Variants in SEMA6D observed in about 807,000 individuals in gnomAD.
SEMA6D encodes semaphorin-6D.
In SEMA6D, 35 loss-of-function variants were observed where a neutral mutation model predicts 106.6. The ratio of observed to expected loss-of-function variants is 0.33; its 90% CI spans 0.25 to 0.44. The LOEUF is 0.44. Ranked by LOEUF, SEMA6D falls within the 20% of genes least tolerant of loss-of-function variation. The pLI, the probability that SEMA6D is intolerant of heterozygous loss-of-function variation, is 1.00. For synonymous variants in SEMA6D, 499 were observed against 487.7 expected (o/e 1.02, Z -0.31); for missense variants, 1,185 against 1,345.9 (o/e 0.88, Z 1.87).
At chr15:47,523,142 A>G (rs1343452287) in intron 3 of SEMA6D, among the ~76,000 whole-genome samples, 2 of 152,204 alleles carry the variant, frequency 1.3e-5, no homozygotes, top group African/African-American at 4.8e-5. Context: ...ACTGAAAGCC[A>G]GAGAGCAAAG....
intron 4 of SEMA6D, among the ~76,000 whole-genome samples, chr15:47,612,557 A>C (rs1348831839): frequency 6.6e-6 from 1 of 151,974 alleles, no homozygotes; most frequent in Non-Finnish European, 1.5e-5. Flanking sequence ...TCTTTTCTCT[A>C]ATTTCCTGGA....
At chr15:47,542,953 C>T (rs1356142660) in intron 3 of SEMA6D, among the ~76,000 whole-genome samples, 1 of 152,124 alleles carries the variant, frequency 6.6e-6, no homozygotes, top group Admixed American at 6.6e-5. Context: ...CCTCCTTGAC[C>T]TCAGGTCAAG....
chr15:47,771,855 A>AC lies in SEMA6D; in HGVS notation c.*72dup. On this transcript the variant is annotated 3_prime_UTR_variant, in exon 19 of 19. Coordinates refer to ENST00000536845, the MANE Select transcript of SEMA6D (RefSeq NM_001358351.3). ...GTTGAGAGGATGATGTTGTAAGGGT[A>AC]CCTTAAAACAAGAGACTCGCTTGTA... 4.2e-6 allele frequency: 6 copies of AC among 1,415,104 alleles called. No homozygotes were observed. The highest frequency in any genetic ancestry group is 1.4e-5 in the African/African-American group (1 of 69,956). 87.7% of individuals were successfully genotyped at this position (1,415,104 alleles called of 1,614,324 possible). A position where few individuals can be genotyped will look rare whatever the true frequency, so the allele number is the denominator to read the frequency against.
At chr15:47,383,490 C>T (rs897155136) in intron 1 of SEMA6D, among the ~76,000 whole-genome samples, 2 of 152,194 alleles carry the variant, frequency 1.3e-5, no homozygotes, top group Non-Finnish European at 2.9e-5. Context: ...AGGGGTCATA[C>T]TCTTTCACTT....
chr15:47,646,228 G>T (rs1159086160), intron 4 of SEMA6D, among the ~76,000 whole-genome samples: 1 of 152,088 alleles, frequency 6.6e-6, no homozygotes. Context: ...CCAGCCACCA[G>T]TCTTTCATTA....
At chr15:47,494,370 CA>C in intron 3 of SEMA6D, among the ~76,000 whole-genome samples, 1 of 151,908 alleles carries the variant, frequency 6.6e-6, no homozygotes. Flanking sequence ...GTGTGTTATA[CA>C]GATCACTGCT....
At chr15:47,694,241 A>T (rs1311941843) in intron 4 of SEMA6D, among the ~76,000 whole-genome samples, 1 of 152,190 alleles carries the variant, frequency 6.6e-6, no homozygotes, top group Non-Finnish European at 1.5e-5. Flanking sequence ...GAAAAACATT[A>T]ATCTAATGCA....
intron 4 of SEMA6D, among the ~76,000 whole-genome samples, chr15:47,709,417 C>T (rs1375826163): frequency 6.6e-6 from 1 of 152,174 alleles, no homozygotes; most frequent in East Asian, 1.9e-4. Flanking sequence ...CTGTTCCCTG[C>T]CACGACTCTA....
At chr15:47,492,629 T>A (rs1024196495) in intron 3 of SEMA6D, among the ~76,000 whole-genome samples, 5 of 152,208 alleles carry the variant, frequency 3.3e-5, no homozygotes, top group African/African-American at 1.2e-4. Flanking sequence ...ACTCTGGAAA[T>A]ACCTTAAGTG....
rs2077976714 is a variant in SEMA6D, at chr15:47,663,913, C to G, written c.-55+63017C>G. Among the ~76,000 whole-genome samples, 3 of 152,160 alleles carry G rather than the reference C, an allele frequency of 2.0e-5. No individual in the cohort carries two copies. The South Asian group carries it at 6.2e-4, about 32-fold the overall frequency. On this transcript the variant is annotated intron_variant, in intron 4 of 19. Transcript: ENST00000558014. ...TGGTTGCCCGTGGACACTCAGACTACTAGGAGCGCTTGTGGGATCAGAATC... is the reference window on the plus strand; with the variant it reads ...TGGTTGCCCGTGGACACTCAGACTAGTAGGAGCGCTTGTGGGATCAGAATC...
At chr15:47,341,925 C>T (rs2037829305) in intron 1 of SEMA6D, among the ~76,000 whole-genome samples, 1 of 149,170 alleles carries the variant, frequency 6.7e-6, no homozygotes, top group Admixed American at 6.7e-5. Context: ...CAGTGCCAGA[C>T]ACTTTTGAGC....
intron 1 of SEMA6D, among the ~76,000 whole-genome samples, chr15:47,398,493 G>T (rs1012801527): frequency 1.3e-5 from 2 of 152,172 alleles, no homozygotes; most frequent in African/African-American, 4.8e-5. Flanking sequence ...AATAAACAGG[G>T]TTTTGGGAGG....
At chr15:47,252,298 T>C (rs1361850903) in intron 1 of SEMA6D, among the ~76,000 whole-genome samples, 1 of 152,204 alleles carries the variant, frequency 6.6e-6, no homozygotes, top group Admixed American at 6.5e-5. Flanking sequence ...ATGTTTATGC[T>C]ATATAGTATG....
At chr15:47,542,304 A>C (rs1477445750) in intron 3 of SEMA6D, among the ~76,000 whole-genome samples, 2 of 152,210 alleles carry the variant, frequency 1.3e-5, no homozygotes, top group African/African-American at 4.8e-5. Context: ...GTATTCTGGA[A>C]TATATAAACC....
At chr15:47,318,384 A>G (rs1276557221) in intron 1 of SEMA6D, among the ~76,000 whole-genome samples, 2 of 131,336 alleles carry the variant, frequency 1.5e-5, no homozygotes, top group African/African-American at 5.4e-5. Flanking sequence ...GTCATCTAGC[A>G]TTAGGTATAT....
At chr15:47,210,432 C>T (rs941150442) in intron 1 of SEMA6D, among the ~76,000 whole-genome samples, 6 of 151,928 alleles carry the variant, frequency 3.9e-5, no homozygotes, top group African/African-American at 1.5e-4. Context: ...GATCAAGTTA[C>T]GTGCCCAAAC....
chr15:47,368,545 A>G (rs954362443), intron 1 of SEMA6D, among the ~76,000 whole-genome samples: 17 of 151,756 alleles, frequency 1.1e-4, no homozygotes, highest in Non-Finnish European at 2.2e-4. Context: ...ATCTCGGCTC[A>G]CTGCAAGCTC....
chr15:47,685,921 A>C (rs2078457910), intron 4 of SEMA6D, among the ~76,000 whole-genome samples: 3 of 152,218 alleles, frequency 2.0e-5, no homozygotes, highest in Admixed American at 6.5e-5. Flanking sequence ...TAAAAGATGC[A>C]TATCTGAGAT....
chr15:47,260,597 T>C (rs530805514), intron 1 of SEMA6D, among the ~76,000 whole-genome samples: 1 of 152,258 alleles, frequency 6.6e-6, no homozygotes, highest in South Asian at 2.1e-4. Context: ...TCTGCCTGTG[T>C]CATTCATTCA....
Sources: allele counts gnomAD v4.1 joint callset (sites outside exome capture counted in the v4.1 genomes callset), GRCh38; gene constraint gnomAD v4.1.1; transcripts MANE v1.5; gene names NCBI Gene and HGNC (gene_info 2026-07-23, HGNC 2026-07-21).